Variants in TLE3 observed in about 807,000 individuals in gnomAD.
TLE3 encodes transducin-like enhancer protein 3.
Under a neutral mutation model 93.0 loss-of-function variants are expected in TLE3, and 14 were observed. That is an observed-to-expected ratio of 0.15 (90% CI 0.10 to 0.24). TLE3 has a LOEUF of 0.24. Among genes scored for constraint, TLE3 ranks in the 10% least tolerant of loss-of-function variants. The pLI is 1.00. For missense variants in TLE3, 693 were observed against 1,046.6 expected (o/e 0.66, Z 4.66); for synonymous variants, 451 against 425.0 (o/e 1.06, Z -0.75).
intron 13 of TLE3, 99 bp downstream of exon 13, chr15:70,057,360 C>A (rs923021563): frequency 7.2e-7 from 1 of 1,395,406 alleles, no homozygotes; most frequent in Admixed American, 2.5e-5. Flanking sequence ...GGCCTTGAGA[C>A]CCTGAGGGGC....
rs902562685 is a variant in TLE3 at position 70,049,795 on chromosome 15, C to T, written c.*302G>A. 8 of 294,978 alleles carry T rather than the reference C, an allele frequency of 2.7e-5. No homozygotes were observed. Among genetic ancestry groups the T allele is most frequent in the African/African-American group, 1.5e-4 (7 of 47,260 alleles). 18.3% of individuals were successfully genotyped at this position (294,978 alleles called of 1,614,324 possible). ...GGAAGAACAAACAGAGACTCATGAG[C>T]GGGTCTGTGGGGGAACCGGAGCCAT... On this transcript the variant is annotated 3_prime_UTR_variant, in exon 20 of 20. Coordinates refer to ENST00000451782, the MANE Select transcript of TLE3 (RefSeq NM_001105192.3).
intron 7 of TLE3, 63 bp downstream of exon 7, chr15:70,065,951 A>T: frequency 6.7e-7 from 1 of 1,483,680 alleles, no homozygotes; most frequent in Non-Finnish European, 9.3e-7. Flanking sequence ...ACTCACTGTG[A>T]GGCCTATGAG....
intron 6 of TLE3, among the ~76,000 whole-genome samples, chr15:70,068,072 G>A (rs2056926637): frequency 6.6e-6 from 1 of 152,140 alleles, no homozygotes; most frequent in East Asian, 1.9e-4. Context: ...CTTACTCTGA[G>A]CTCCTCCACT....
intron 8 of TLE3, among the ~76,000 whole-genome samples, chr15:70,064,206 T>C (rs1286744860): frequency 6.6e-6 from 1 of 152,226 alleles, no homozygotes; most frequent in African/African-American, 2.4e-5. Context: ...GCTCCCATTT[T>C]ATGACAGTAG....
chr15:70,053,686 G>A (rs2055757140), intron 16 of TLE3: 1 of 223,412 alleles, frequency 4.5e-6, no homozygotes, highest in Non-Finnish European at 8.8e-6. Context: ...AGGAGGTGGA[G>A]CTGGAGGCTC....
At chr15:70,064,519 CAAAAAGACA>C in intron 7 of TLE3, 49 bp from the exon 8 acceptor site, 1 of 1,610,884 alleles carries the variant, frequency 6.2e-7, no homozygotes, top group Non-Finnish European at 8.5e-7. Context: ...CACCCCAAAA[CAAAAAGACA>C]AAAAAGAAAG....
In TLE3 at chr15:70,058,239, T is replaced by C. The variant is rs1395364736; in HGVS notation, c.971A>G (p.Asn324Ser). The stretch of plus-strand genomic sequence containing the variant: ...GCTGGTGCCTGGAGTTGGGGCGTCG[T>C]TCCTTGGGGTTGGTGTGTTGGACTT... ...GLKSNTPTPR[N>S]DAPTPGTSTT... The change falls in exon 12 of 20, where the codon AAC (asparagine) becomes AGC (serine). Residue 324 changes from asparagine to serine, a missense_variant. Around this residue, in one of 4 missense-constraint regions of TLE3, gnomAD observed 405 missense variants for 468.9 expected, o/e 0.86. Transcript: ENST00000451782. This position sits in a 1 kb window ranked among gnomAD's most constrained non-coding sequence, Gnocchi z 4.1. 1.9e-6 allele frequency: 3 copies of C among 1,613,508 alleles called. 1 individual carries two copies. The South Asian group carries it at 3.3e-5, about 18-fold the overall frequency.
rs2058623175 is a variant in TLE3, at chr15:70,097,634, C to G, written c.-836G>C. 3 of 398,130 alleles carry G rather than the reference C, an allele frequency of 7.5e-6. No homozygotes were observed. The highest frequency in any genetic ancestry group is 1.3e-5 in the Non-Finnish European group (3 of 225,720). 24.7% of individuals were successfully genotyped at this position (398,130 alleles called of 1,614,324 possible). On this transcript the variant is annotated 5_prime_UTR_variant, in exon 1 of 20. Transcript: ENST00000451782. ...CCCACCGAGGAGCGCTCAGCGCCAC[C>G]GCCGCTGCCGCGTCGGAGCGCACAG...
At chr15:70,080,667 C>T (rs1474916909) in intron 4 of TLE3, among the ~76,000 whole-genome samples, 1 of 152,210 alleles carries the variant, frequency 6.6e-6, no homozygotes, top group Admixed American at 6.5e-5. Context: ...TGATCATCTC[C>T]TCATTAAAGC....
intron 6 of TLE3, among the ~76,000 whole-genome samples, chr15:70,067,544 A>G (rs1337575208): frequency 6.6e-6 from 1 of 152,202 alleles, no homozygotes; most frequent in Non-Finnish European, 1.5e-5. Flanking sequence ...GGGTTGGTGG[A>G]AAGTGCCATA....
At chr15:70,096,686 A>G (rs950821929) in intron 1 of TLE3, 89 bp downstream of exon 1, 1 of 1,571,104 alleles carries the variant, frequency 6.4e-7, no homozygotes, top group Admixed American at 1.9e-5. Context: ...CCATAAAGGT[A>G]GCAACAAGCA....
rs537389353 is a variant in TLE3, at chr15:70,066,547, T to C, written c.373-329A>G. 58 of 253,510 alleles carry C rather than the reference T, an allele frequency of 2.3e-4. No homozygotes were observed. In the South Asian group the frequency reaches 4.0e-3, roughly 17 times the overall value. 15.7% of individuals were successfully genotyped at this position (253,510 alleles called of 1,614,324 possible). A position where few individuals can be genotyped will look rare whatever the true frequency, so the allele number is the denominator to read the frequency against. On this transcript the variant is annotated intron_variant, in intron 6 of 19. Transcript: ENST00000451782. ...ATGCATTTAAAAAACCGCAGAGTCA[T>C]GGGGTTCCCTCTGAGTAGAGAGGGA...
chr15:70,064,125 G>A (rs915919593), intron 8 of TLE3, among the ~76,000 whole-genome samples: 10 of 152,176 alleles, frequency 6.6e-5, no homozygotes, highest in African/African-American at 2.2e-4. Context: ...TTTGACAAAT[G>A]GCAGACCTAA....
At chr15:70,051,200 G>C in intron 19 of TLE3, 191 bp downstream of exon 19, 1 of 517,012 alleles carries the variant, frequency 1.9e-6, no homozygotes, top group South Asian at 2.5e-5. Flanking sequence ...GTGTCCTGCT[G>C]AAGTCCCCAG....
intron 8 of TLE3, 112 bp downstream of exon 8, chr15:70,064,342 C>T: frequency 7.4e-7 from 1 of 1,343,228 alleles, no homozygotes; most frequent in Non-Finnish European, 1.0e-6. Context: ...AACCCAGAAG[C>T]CAGCTTTGGA....
rs903370791 is a variant in TLE3 at position 70,097,878 on chromosome 15, G to C, written c.-1080C>G. The stretch of plus-strand genomic sequence containing the variant: ...ACAGACAGGCGAAGGGGACGAGCAC[G>C]AGGTCTGAACTGCCGCGAGAGCAGT... On this transcript the variant is annotated 5_prime_UTR_variant, in exon 1 of 20. Coordinates refer to ENST00000451782, the MANE Select transcript of TLE3 (RefSeq NM_001105192.3). 1 of 311,224 alleles carries C rather than the reference G, an allele frequency of 3.2e-6. No individual in the cohort carries two copies. Among genetic ancestry groups the C allele is most frequent in the Non-Finnish European group, 5.9e-6 (1 of 170,830 alleles). 19.3% of individuals were successfully genotyped at this position (311,224 alleles called of 1,614,324 possible). A position where few individuals can be genotyped will look rare whatever the true frequency, so the allele number is the denominator to read the frequency against.
rs2055256401 is a variant in TLE3 at position 70,048,567 on chromosome 15, T to C, written c.*1530A>G. On this transcript the variant is annotated 3_prime_UTR_variant, in exon 20 of 20. Transcript: ENST00000451782. ...AGTATAAAAATTATCTTCGATATGC[T>C]ACATCCATGGAGAGCCTGCCACCAG... 1 of 151,060 alleles carries C rather than the reference T, an allele frequency of 6.6e-6. No homozygotes were observed. The highest frequency in any genetic ancestry group is 6.6e-5 in the Admixed American group (1 of 15,134). 9.4% of individuals were successfully genotyped at this position (151,060 alleles called of 1,614,324 possible). A position where few individuals can be genotyped will look rare whatever the true frequency, so the allele number is the denominator to read the frequency against.
At chr15:70,079,066 C>T (rs74714253) in intron 4 of TLE3, among the ~76,000 whole-genome samples, 111 of 152,124 alleles carry the variant, frequency 7.3e-4, no homozygotes, top group African/African-American at 2.4e-3. Flanking sequence ...ATGAGGACAA[C>T]GGATCTCCCA....
chr15:70,063,424 C>T (rs1566539), intron 8 of TLE3, among the ~76,000 whole-genome samples: 53,085 of 152,028 alleles, frequency 0.35, 10,356 homozygotes, highest in Middle Eastern at 0.59. Context: ...AGCATGTAGG[C>T]GGGTCAAGAG....
Sources: gnomAD v4.1 joint callset for allele counts (sites outside exome capture counted in the v4.1 genomes callset) on GRCh38, gnomAD v4.1.1 for gene constraint, gnomAD v4.1.1 regional missense constraint, Gnocchi (gnomAD v3.1) non-coding constraint, MANE v1.5 for transcripts, NCBI Gene and HGNC (gene_info 2026-07-23, HGNC 2026-07-21) for gene names.